BNIP3L: variants seen among roughly 807,000 people sequenced by gnomAD.
BNIP3L encodes the protein BCL2 interacting protein 3 like, also known as BCL2/adenovirus E1B 19 kDa protein-interacting protein 3-like.
A neutral mutation model predicts 25.5 loss-of-function variants in BNIP3L; 10 were observed. The ratio of observed to expected loss-of-function variants is 0.39; its 90% CI spans 0.24 to 0.67. The LOEUF (loss-of-function observed/expected upper bound fraction) is 0.67. BNIP3L is among the 30% of genes least tolerant of loss of function. BNIP3L has a pLI of 0.45. For missense variants in BNIP3L, 215 were observed against 270.9 expected (o/e 0.79, Z 1.45); for synonymous variants, 113 against 101.2 (o/e 1.12, Z -0.70).
In BNIP3L at chr8:26,408,080, T is replaced by C; in HGVS notation, c.438T>C (p.Ser146=). The change falls in exon 4 of 6, where the codon AGT becomes AGC. Residue 146 remains serine (S), a synonymous_variant. Coordinates refer to ENST00000380629, the MANE Select transcript of BNIP3L (RefSeq NM_004331.3). The part of the protein sequence containing the change: ...KSADWVSDWS[S]RPENIPPKEF... Reference sequence around the variant, plus strand: ...CGGACTGGGTATCAGACTGGTCCAGTAGACCCGAAAACATTCCACCCAAGT... The same window carrying C: ...CGGACTGGGTATCAGACTGGTCCAGCAGACCCGAAAACATTCCACCCAAGT... The C allele has an allele frequency of 6.2e-7, 1 of 1,614,220 alleles. No individual in the cohort carries two copies.
At chr8:26,386,210 A>G (rs189924638) in intron 1 of BNIP3L, among the ~76,000 whole-genome samples, 1 of 152,242 alleles carries the variant, frequency 6.6e-6, no homozygotes, top group Non-Finnish European at 1.5e-5. Flanking sequence ...GAGACTGTTC[A>G]CTTTCATTAA....
At chr8:26,395,449 T>A (rs1009073324) in intron 3 of BNIP3L, 147 bp downstream of exon 3, 1 of 900,110 alleles carries the variant, frequency 1.1e-6, no homozygotes, top group African/African-American at 1.7e-5. Flanking sequence ...TTTAGGATGA[T>A]ATAGTTCTTG....
In BNIP3L at chr8:26,412,044, A is replaced by C. The variant is rs1806639069; in HGVS notation, c.*1632A>C. 1 of 152,536 alleles carries C rather than the reference A, an allele frequency of 6.6e-6. No individual in the cohort carries two copies. Among genetic ancestry groups the C allele is most frequent in the African/African-American group, 2.4e-5 (1 of 41,466 alleles). The allele number at this position is 152,536 out of a possible 1,614,324, so 9.4% of individuals were successfully genotyped here. Reference sequence around the variant, plus strand: ...ACAAAATTTTTATCTTTTTTCAAGAATATAGCTGGCTATCTTTAAGAAAGA... The same window carrying C: ...ACAAAATTTTTATCTTTTTTCAAGACTATAGCTGGCTATCTTTAAGAAAGA... On this transcript the variant is annotated 3_prime_UTR_variant, in exon 6 of 6. Transcript: ENST00000380629.
intron 1 of BNIP3L, among the ~76,000 whole-genome samples, chr8:26,390,718 C>G (rs749758338): frequency 3.9e-5 from 6 of 152,200 alleles, no homozygotes; most frequent in Non-Finnish European, 8.8e-5. Context: ...TAGGTTCCCT[C>G]TCTAGGAGTT....
chr8:26,383,672 C>T (rs1468003962), intron 1 of BNIP3L, among the ~76,000 whole-genome samples: 2 of 149,972 alleles, frequency 1.3e-5, no homozygotes, highest in Admixed American at 1.3e-4. Flanking sequence ...CGGGCGGCTG[C>T]CGCGGGACGT....
At chr8:26,383,872 T>C (rs1805920308) in intron 1 of BNIP3L, among the ~76,000 whole-genome samples, 2 of 149,564 alleles carry the variant, frequency 1.3e-5, no homozygotes, top group South Asian at 4.3e-4. Context: ...ATTTTTTTAT[T>C]AGATTTCTCG....
rs769980360 is a variant in BNIP3L, at chr8:26,392,527, C to T, written c.284+1101C>T. ...TTATGATCCACTAATGTTGCCAAGGCAGCGGGGGACTGGTTTGTTGGCTCT... is the reference window on the plus strand; with the variant it reads ...TTATGATCCACTAATGTTGCCAAGGTAGCGGGGGACTGGTTTGTTGGCTCT... On this transcript the variant is annotated intron_variant, in intron 2 of 5. Transcript: ENST00000380629. Among the ~76,000 whole-genome samples, 10 of 152,170 alleles carry T rather than the reference C, an allele frequency of 6.6e-5. No homozygotes were observed. The South Asian group carries it at 1.0e-3, about 16-fold the overall frequency.
At position 26,393,928 on chromosome 8, in the gene BNIP3L, G is replaced by A. The variant is rs546694943; in HGVS notation, c.285-1302G>A. ...TCTAAAAGACTCCTAGGCCTAATCT[G>A]TCTGATAAATTTCTGACGATCTTAT... On this transcript the variant is annotated intron_variant, in intron 2 of 5. Coordinates refer to ENST00000380629, the MANE Select transcript of BNIP3L (RefSeq NM_004331.3). 7.9e-5 allele frequency among the ~76,000 whole-genome samples: 12 copies of A among 152,234 alleles called. No individual in the cohort carries two copies. The South Asian group carries it at 2.5e-3, about 32-fold the overall frequency.
intron 3 of BNIP3L, among the ~76,000 whole-genome samples, chr8:26,398,971 C>T (rs1014915694): frequency 1.3e-5 from 2 of 151,160 alleles, no homozygotes; most frequent in Admixed American, 6.6e-5. Context: ...GATTCACAGC[C>T]GAATTCTACC....
At position 26,408,385 on chromosome 8, in the gene BNIP3L, C is replaced by T. The variant is rs370470878; in HGVS notation, c.611+9C>T. 3.2e-5 allele frequency: 52 copies of T among 1,602,672 alleles called. No homozygotes were observed. The highest frequency in any genetic ancestry group is 1.8e-4 in the East Asian group (8 of 44,746). Reference sequence around the variant, plus strand: ...TTGGCTTTGGGGCTAGGGTAAGTACCGGTCAACTCCTGAAGTTTTTTCCAT... The same window carrying T: ...TTGGCTTTGGGGCTAGGGTAAGTACTGGTCAACTCCTGAAGTTTTTTCCAT... On this transcript the variant is annotated intron_variant, in intron 5 of 5. Coordinates refer to ENST00000380629, the MANE Select transcript of BNIP3L (RefSeq NM_004331.3).
chr8:26,391,211 G>C (rs1331975661), intron 1 of BNIP3L, 32 bp from the exon 2 acceptor site: 3 of 1,543,054 alleles, frequency 1.9e-6, no homozygotes, highest in Non-Finnish European at 1.8e-6. Flanking sequence ...TTTCAGTTCT[G>C]CTGTGGTTAA....
intron 3 of BNIP3L, among the ~76,000 whole-genome samples, chr8:26,406,831 G>T (rs900234601): frequency 1.3e-5 from 2 of 150,804 alleles, no homozygotes; most frequent in Non-Finnish European, 3.0e-5. Context: ...AAAAAAAAAT[G>T]CATGTAACAT....
intron 1 of BNIP3L, among the ~76,000 whole-genome samples, chr8:26,385,915 A>G (rs940615452): frequency 7.2e-5 from 11 of 152,320 alleles, no homozygotes; most frequent in Admixed American, 5.9e-4. Context: ...ACAACACTGT[A>G]CTGAACAAAA....
intron 3 of BNIP3L, among the ~76,000 whole-genome samples, chr8:26,404,928 C>T (rs1806465036): frequency 6.6e-6 from 1 of 152,152 alleles, no homozygotes; most frequent in African/African-American, 2.4e-5. Context: ...AATTGGAAGG[C>T]AGTTTAAAAC....
At chr8:26,395,025 A>G (rs574585798) in intron 2 of BNIP3L, among the ~76,000 whole-genome samples, 1 of 152,260 alleles carries the variant, frequency 6.6e-6, no homozygotes, top group Admixed American at 6.5e-5. Flanking sequence ...GAAAAAGTGC[A>G]GAACATTTTG....
intron 1 of BNIP3L, among the ~76,000 whole-genome samples, chr8:26,386,428 G>T (rs1425888698): frequency 6.6e-6 from 1 of 151,706 alleles, no homozygotes. Context: ...AAATTTTCTT[G>T]TTCTTTTTTG....
rs751256579 is a variant in BNIP3L at position 26,395,226 on chromosome 8, C to T, written c.285-4C>T. ...AACTAATAGCTGAATTCCTTCTCTT[C>T]TAGCCCTTCGCCACAAGAAGATGGG... On this transcript the variant is annotated splice_region_variant and splice_polypyrimidine_tract_variant and intron_variant, in intron 2 of 5. Coordinates refer to ENST00000380629, the MANE Select transcript of BNIP3L (RefSeq NM_004331.3). 1.3e-5 allele frequency: 21 copies of T among 1,613,794 alleles called. No individual in the cohort carries two copies. The highest frequency in any genetic ancestry group is 1.7e-5 in the Non-Finnish European group (20 of 1,179,866).
chr8:26,408,123 T>C lies in BNIP3L; in HGVS notation c.461+20T>C, dbSNP rs1168773040. On this transcript the variant is annotated intron_variant, in intron 4 of 5. Transcript: ENST00000380629. ...ACCCAAGTGAGTTCTCACATGTTTCTTGTCAGTGGACACAGTTGATCTGCG... is the reference window on the plus strand; with the variant it reads ...ACCCAAGTGAGTTCTCACATGTTTCCTGTCAGTGGACACAGTTGATCTGCG... 6.2e-7 allele frequency: 1 copy of C among 1,613,224 alleles called. No individual in the cohort carries two copies. The highest frequency in any genetic ancestry group is 8.5e-7 in the Non-Finnish European group (1 of 1,179,112).
chr8:26,383,297 G>C, intron 1 of BNIP3L, 67 bp downstream of exon 1: 5 of 1,550,538 alleles, frequency 3.2e-6, no homozygotes, highest in Non-Finnish European at 4.4e-6. Flanking sequence ...CGCCGCCACC[G>C]GCGCGGCGCG....
Sources: gnomAD v4.1 joint callset for allele counts (sites outside exome capture counted in the v4.1 genomes callset) on GRCh38, gnomAD v4.1.1 for gene constraint, MANE v1.5 for transcripts, NCBI Gene and HGNC (gene_info 2026-07-23, HGNC 2026-07-21) for gene names.